CTSH: variants seen among roughly 807,000 people sequenced by gnomAD.
CTSH encodes the protein cathepsin H.
In CTSH, 52 loss-of-function variants were observed where a neutral mutation model predicts 56.3. The ratio of observed to expected loss-of-function variants is 0.92; its 90% CI spans 0.74 to 1.16. The LOEUF is 1.16. Among genes scored for constraint, CTSH ranks in the 50% most tolerant of loss-of-function variants. CTSH has a pLI of 0.00. For synonymous variants in CTSH, 174 were observed against 155.7 expected (o/e 1.12, Z -0.88); for missense variants, 406 against 424.5 (o/e 0.96, Z 0.38).
chr15:78,933,904 C>T (rs559833840), intron 5 of CTSH, among the ~76,000 whole-genome samples: 1 of 152,312 alleles, frequency 6.6e-6, no homozygotes, highest in South Asian at 2.1e-4. Context: ...TCATTCCGCT[C>T]CCTTAGCCCA....
At chr15:78,937,961 C>A in intron 2 of CTSH, 2 of 419,294 alleles carry the variant, frequency 4.8e-6, no homozygotes, top group Non-Finnish European at 8.1e-6. Flanking sequence ...TTAAAAATTT[C>A]TTTATGCTGG....
chr15:78,941,713 G>A (rs1170000025), intron 1 of CTSH, among the ~76,000 whole-genome samples: 4 of 145,162 alleles, frequency 2.8e-5, no homozygotes, highest in East Asian at 4.4e-4. Context: ...GGAGAATGGC[G>A]TGAACCCGGG....
At position 78,932,188 on chromosome 15, in the gene CTSH, T is replaced by G. The variant is rs980369049; in HGVS notation, c.492+184A>C. 22 of 908,854 alleles carry G rather than the reference T, an allele frequency of 2.4e-5. No individual in the cohort carries two copies. In the African/African-American group the frequency reaches 3.2e-4, roughly 13 times the overall value. 56.3% of individuals were successfully genotyped at this position (908,854 alleles called of 1,614,324 possible). Reference sequence around the variant, plus strand: ...CCCTTGGGCCGGTTCCTTAATAAACTCAGATCCTTCCCGGGAAAAGCATCA... The same window carrying G: ...CCCTTGGGCCGGTTCCTTAATAAACGCAGATCCTTCCCGGGAAAAGCATCA... On this transcript the variant is annotated intron_variant, in intron 6 of 11. Coordinates refer to ENST00000220166, the MANE Select transcript of CTSH (RefSeq NM_004390.5).
In CTSH at chr15:78,930,161, C is replaced by T. The variant is rs184322618; in HGVS notation, c.549-668G>A. On this transcript the variant is annotated intron_variant, in intron 7 of 11. Transcript: ENST00000220166. ...CTGTATCCCCAGGGCCTACACACAGCGGGTGCTCTGTGATATTTGTTGTAT... is the reference window on the plus strand; with the variant it reads ...CTGTATCCCCAGGGCCTACACACAGTGGGTGCTCTGTGATATTTGTTGTAT... 1.6e-3 allele frequency among the ~76,000 whole-genome samples: 244 copies of T among 152,304 alleles called. 1 individual carries two copies. The highest frequency in any genetic ancestry group is 5.7e-3 in the African/African-American group (235 of 41,572).
intron 8 of CTSH, among the ~76,000 whole-genome samples, chr15:78,928,191 G>GGAGAGAAGGCAT (rs74275714): frequency 1.3e-5 from 2 of 152,056 alleles, no homozygotes; most frequent in Non-Finnish European, 1.5e-5. Flanking sequence ...AGAGAAGGCA[G>GGAGAGAAGGCAT]CAGGACAAGG....
At chr15:78,934,926 G>A (rs1210636771) in intron 5 of CTSH, 52 bp downstream of exon 5, 1 of 1,159,554 alleles carries the variant, frequency 8.6e-7, no homozygotes, top group Non-Finnish European at 1.3e-6. Context: ...CTGGTGTATT[G>A]TCTGGGAGTG....
At chr15:78,925,080 C>A (rs2054873350) in intron 10 of CTSH, among the ~76,000 whole-genome samples, 1 of 152,226 alleles carries the variant, frequency 6.6e-6, no homozygotes, top group South Asian at 2.1e-4. Flanking sequence ...CTCTCACTAG[C>A]CAGGTGGCCT....
intron 1 of CTSH, among the ~76,000 whole-genome samples, chr15:78,940,060 G>A (rs2055256529): frequency 6.6e-6 from 1 of 152,168 alleles, no homozygotes; most frequent in Non-Finnish European, 1.5e-5. Flanking sequence ...TTAATGGGTA[G>A]GACTGCGTTC....
At chr15:78,931,420 A>AG (rs772531569) in intron 7 of CTSH, 31 bp downstream of exon 7, 2 of 1,613,930 alleles carry the variant, frequency 1.2e-6, no homozygotes, top group African/African-American at 2.7e-5. Flanking sequence ...GAAATGAGGA[A>AG]GTTTTGGGCC....
At position 78,937,120 on chromosome 15, in the gene CTSH, G is replaced by A. The variant is rs78449029; in HGVS notation, c.229+198C>T. The A allele has an allele frequency of 5.3e-3, 3,089 of 579,184 alleles. 72 individuals carry two copies. The East Asian group carries it at 0.058, about 11-fold the overall frequency. The allele number at this position is 579,184 out of a possible 1,614,324, so 35.9% of individuals were successfully genotyped here. A position where few individuals can be genotyped will look rare whatever the true frequency, so the allele number is the denominator to read the frequency against. The stretch of plus-strand genomic sequence containing the variant: ...CTTGTAAACTTCACAACCACCCAGA[G>A]GGGTACCGGCTTTGTCCCAAATTTA... On this transcript the variant is annotated intron_variant, in intron 3 of 11. Coordinates refer to ENST00000220166, the MANE Select transcript of CTSH (RefSeq NM_004390.5).
At chr15:78,932,073 C>T in intron 6 of CTSH, 4 of 1,255,344 alleles carry the variant, frequency 3.2e-6, no homozygotes, top group Non-Finnish European at 4.0e-6. Context: ...GTTGGCTACC[C>T]ACCAGGCAGG....
At chr15:78,929,306 G>A (rs557109231) in intron 8 of CTSH, 106 bp downstream of exon 8, 3 of 853,038 alleles carry the variant, frequency 3.5e-6, no homozygotes, top group South Asian at 2.9e-5. Context: ...TGAGAATTCC[G>A]GCGGGAGGGA....
intron 6 of CTSH, chr15:78,931,834 G>A (rs2055067886): frequency 1.6e-6 from 2 of 1,289,138 alleles, no homozygotes; most frequent in Admixed American, 3.3e-5. Flanking sequence ...GTATAGGATG[G>A]GGGAAACAGG....
Position 78,922,177 on chromosome 15 carries a change from T to TG in CTSH, c.960dup (p.Met321HisfsTer90). 1 of 1,583,744 alleles carries TG rather than the reference T, an allele frequency of 6.3e-7. No individual in the cohort carries two copies. Among genetic ancestry groups the TG allele is most frequent in the South Asian group, 1.2e-5 (1 of 86,496 alleles). ...GAGGCGCAGGCAGCCAGGCCACACA[T>TG]GTTCTTTCCGCGCTCGATGAGGAAG... On this transcript the variant is annotated frameshift_variant, in exon 12 of 12. Transcript: ENST00000220166. LOFTEE classifies it high-confidence loss of function.
In CTSH at chr15:78,921,406, G is replaced by C. The variant is rs569418570; in HGVS notation, c.*724C>G. The stretch of plus-strand genomic sequence containing the variant: ...AATAAGGGGTTGGTGAGGAAGGGGT[G>C]GGCAGTCTCATGTGGAGGTGGGGGG... On this transcript the variant is annotated 3_prime_UTR_variant, in exon 12 of 12. Transcript: ENST00000220166. 6.6e-6 allele frequency: 1 copy of C among 152,416 alleles called. No homozygotes were observed. The highest frequency in any genetic ancestry group is 2.1e-4 in the South Asian group (1 of 4,826). 9.4% of individuals were successfully genotyped at this position (152,416 alleles called of 1,614,324 possible). A position where few individuals can be genotyped will look rare whatever the true frequency, so the allele number is the denominator to read the frequency against.
chr15:78,938,273 G>A lies in CTSH; in HGVS notation c.124-850C>T, dbSNP rs1020851109. Among the ~76,000 whole-genome samples, 90 of 152,264 alleles carry A rather than the reference G, an allele frequency of 5.9e-4. 2 individuals carry two copies. Among genetic ancestry groups the A allele is most frequent in the Middle Eastern group, 6.8e-3 (2 of 294 alleles). On this transcript the variant is annotated intron_variant, in intron 2 of 11. Coordinates refer to ENST00000220166, the MANE Select transcript of CTSH (RefSeq NM_004390.5). ...AATCCCAGCTACTCAGGAGGCTGAG[G>A]CATGAGAATCGCTTGAACCCAGAAG...
At chr15:78,935,561 A>G in intron 4 of CTSH, 119 bp downstream of exon 4, 1 of 775,210 alleles carries the variant, frequency 1.3e-6, no homozygotes, top group Non-Finnish European at 2.1e-6. Flanking sequence ...GAATCTGGGG[A>G]TACCCTCAGC....
At chr15:78,929,755 G>A (rs1253715067) in intron 7 of CTSH, among the ~76,000 whole-genome samples, 1 of 152,176 alleles carries the variant, frequency 6.6e-6, no homozygotes, top group African/African-American at 2.4e-5. Context: ...TGTCAGGAGT[G>A]CACAGCCCCA....
intron 3 of CTSH, chr15:78,937,104 T>C: frequency 5.4e-6 from 3 of 555,728 alleles, no homozygotes; most frequent in Non-Finnish European, 6.5e-6. Context: ...TCTTGTAAAC[T>C]TCACAACCAC....
Sources: gnomAD v4.1 joint callset for allele counts (sites outside exome capture counted in the v4.1 genomes callset) on GRCh38, gnomAD v4.1.1 for gene constraint, MANE v1.5 for transcripts, NCBI Gene and HGNC (gene_info 2026-07-23, HGNC 2026-07-21) for gene names.